The following DPP9 variants were observed in gnomAD, a reference collection of about 807,000 sequenced individuals.
DPP9 encodes dipeptidyl peptidase IV-related protein-2.
In DPP9, 50 loss-of-function variants were observed where a neutral mutation model predicts 110.7. That is an observed-to-expected ratio of 0.45 (90% CI 0.36 to 0.57). DPP9 has a LOEUF of 0.57. Ranked by LOEUF, DPP9 falls within the 20% of genes least tolerant of loss-of-function variation. The pLI, the probability that DPP9 is intolerant of heterozygous loss-of-function variation, is 0.00. For synonymous variants in DPP9, 561 were observed against 514.4 expected, an observed-to-expected ratio of 1.09 and a Z score of -1.23; for missense variants, 1,022 against 1,217.9, an observed-to-expected ratio of 0.84 and a Z score of 2.39.
Position 4,682,651 on chromosome 19 carries a change from A to G in DPP9, c.2474+45T>C. On this transcript the variant is annotated intron_variant, in intron 20 of 21. Coordinates refer to ENST00000262960, the MANE Select transcript of DPP9 (RefSeq NM_139159.5). This position sits in a 1 kb window ranked among gnomAD's most constrained non-coding sequence, Gnocchi z 7.1. ...ATAGAGACAGCTGGTGCCGGGGTGC[A>G]GGAGAAGCCCCGGGGAGGAGCGCAG... 5.6e-6 allele frequency: 9 copies of G among 1,596,802 alleles called. No homozygotes were observed. Among genetic ancestry groups the G allele is most frequent in the Non-Finnish European group, 7.7e-6 (9 of 1,172,536 alleles).
chr19:4,686,622 C>T (rs754375799), intron 16 of DPP9, among the ~76,000 whole-genome samples: 2 of 152,112 alleles, frequency 1.3e-5, no homozygotes, highest in Non-Finnish European at 2.9e-5. Context: ...ACCCAGCCAT[C>T]GAACTCCTGA....
At position 4,683,510 on chromosome 19, in the gene DPP9, G is replaced by A. The variant is rs751421244; in HGVS notation, c.2298C>T (p.Leu766=). Residue 766 remains leucine (L), a synonymous_variant, in exon 19 of 22, where the codon CTC becomes CTT. Transcript: ENST00000262960. ...CCTGGGGCTTGTGGATTAGCCCCAT[G>A]AGCGAGAGGAAGCCCCCGTAGGACC... ...HGWSYGGFLS[L]MGLIHKPQVF... is the part of the protein sequence containing the mutation. 1.2e-6 allele frequency: 2 copies of A among 1,613,142 alleles called. No homozygotes were observed. The highest frequency in any genetic ancestry group is 2.7e-5 in the African/African-American group (2 of 74,942).
At chr19:4,713,360 C>T (rs1309426742) in intron 4 of DPP9, among the ~76,000 whole-genome samples, 1 of 152,214 alleles carries the variant, frequency 6.6e-6, no homozygotes, top group Non-Finnish European at 1.5e-5. Context: ...GCCAGGCCCA[C>T]AGTGGCTGCA....
intron 4 of DPP9, among the ~76,000 whole-genome samples, chr19:4,711,717 G>A (rs1235129779): frequency 1.4e-5 from 2 of 139,568 alleles, no homozygotes; most frequent in Non-Finnish European, 3.0e-5. Flanking sequence ...AAGTTGCAGT[G>A]AGCCAAGATT....
At chr19:4,696,826 C>T (rs367661645) in intron 11 of DPP9, among the ~76,000 whole-genome samples, 1 of 152,080 alleles carries the variant, frequency 6.6e-6, no homozygotes, top group East Asian at 1.9e-4. Flanking sequence ...GGCAGCAGCA[C>T]ATAATAGAAT....
rs1462319332 is a variant in DPP9, at chr19:4,687,941, C to T, written c.1885+816G>A. ...GCCTCCCGAGTAGTGGGACTACAGG[C>T]GCCCGCCACCATGCTCGGCTAATTT... On this transcript the variant is annotated intron_variant, in intron 16 of 21. Coordinates refer to ENST00000262960, the MANE Select transcript of DPP9 (RefSeq NM_139159.5). This position sits in a 1 kb window ranked among gnomAD's most constrained non-coding sequence, Gnocchi z 4.7. Among the ~76,000 whole-genome samples, 2 of 151,986 alleles carry T rather than the reference C, an allele frequency of 1.3e-5. No individual in the cohort carries two copies. The highest frequency in any genetic ancestry group is 6.6e-5 in the Admixed American group (1 of 15,264).
At chr19:4,699,470 A>G (rs2092076510) in intron 10 of DPP9, among the ~76,000 whole-genome samples, 1 of 151,878 alleles carries the variant, frequency 6.6e-6, no homozygotes, top group South Asian at 2.1e-4. Flanking sequence ...ATGTGGGGCT[A>G]TTGGGGGTCC....
intron 19 of DPP9, chr19:4,683,159 C>A (rs1468403274): frequency 7.0e-7 from 1 of 1,427,584 alleles, no homozygotes; most frequent in Non-Finnish European, 9.2e-7. Flanking sequence ...CGGCCTGGGG[C>A]CCCCCCGCCG....
Position 4,685,867 on chromosome 19 carries a change from C to A in DPP9, c.1886-96G>T. On this transcript the variant is annotated intron_variant, in intron 16 of 21. Coordinates refer to ENST00000262960, the MANE Select transcript of DPP9 (RefSeq NM_139159.5). The surrounding 1 kb of genome is among the most constrained non-coding windows in gnomAD (Gnocchi z 5.8). ...CCACCCCAAGCCTTGGAGGGTGGAC[C>A]AAAGCACCCCCTCTTTTCCTGGGCT... 7.2e-7 allele frequency: 1 copy of A among 1,389,102 alleles called. No homozygotes were observed. The highest frequency in any genetic ancestry group is 9.7e-7 in the Non-Finnish European group (1 of 1,026,592). The allele number at this position is 1,389,102 out of a possible 1,614,324, so 86.0% of individuals were successfully genotyped here.
At chr19:4,716,714 G>A (rs1399815421) in intron 3 of DPP9, among the ~76,000 whole-genome samples, 1 of 152,094 alleles carries the variant, frequency 6.6e-6, no homozygotes, top group Admixed American at 6.5e-5. Flanking sequence ...TTGGGCTTGT[G>A]ACAGCCCATT....
chr19:4,677,933 G>A (rs1349884867), intron 21 of DPP9, among the ~76,000 whole-genome samples: 1 of 152,168 alleles, frequency 6.6e-6, no homozygotes, highest in Non-Finnish European at 1.5e-5. Context: ...CCAGCTGCCT[G>A]GCCCAGATGT....
intron 5 of DPP9, among the ~76,000 whole-genome samples, 160 bp downstream of exon 5, chr19:4,705,698 A>C (rs988885751): frequency 6.6e-6 from 1 of 152,082 alleles, no homozygotes; most frequent in Non-Finnish European, 1.5e-5. Context: ...GGTCAGGGGG[A>C]GGAGGGAAGG....
Position 4,714,286 on chromosome 19 carries a change from T to G in DPP9, c.108A>C (p.Pro36=). 1 of 1,549,532 alleles carries G rather than the reference T, an allele frequency of 6.5e-7. No homozygotes were observed. Among genetic ancestry groups the G allele is most frequent in the Admixed American group, 1.9e-5 (1 of 52,706 alleles). Residue 36 remains proline (P), a synonymous_variant, in exon 4 of 22, where the codon CCA becomes CCC. Coordinates refer to ENST00000262960, the MANE Select transcript of DPP9 (RefSeq NM_139159.5). The stretch of plus-strand genomic sequence containing the variant: ...CGGCTGCGTCGCCTCGGTCGGCCGT[T>G]GGGGTCCCGGTGGTGGCCATCCTCT... ...GAERMATTGT[P]TADRGDAAAT...
At chr19:4,691,140 CGG>C (rs1403444869) in intron 13 of DPP9, among the ~76,000 whole-genome samples, 183 bp from the exon 14 acceptor site, 2 of 152,168 alleles carry the variant, frequency 1.3e-5, no homozygotes, top group African/African-American at 4.8e-5. Context: ...AGGAAGCCTG[CGG>C]GGCCTGTTCC....
chr19:4,683,922 C>A (rs1369987483), intron 18 of DPP9: 17 of 1,076,680 alleles, frequency 1.6e-5, no homozygotes, highest in Non-Finnish European at 2.0e-5. Context: ...AGGAAGAGGA[C>A]CCATTTTCTA....
In DPP9 at chr19:4,684,346, T is replaced by G; in HGVS notation, c.2178+317A>C. 1 of 355,158 alleles carries G rather than the reference T, an allele frequency of 2.8e-6. No individual in the cohort carries two copies. Among genetic ancestry groups the G allele is most frequent in the Non-Finnish European group, 5.3e-6 (1 of 189,804 alleles). 22.0% of individuals were successfully genotyped at this position (355,158 alleles called of 1,614,324 possible). ...CCTCCAGAACTGTGAGAGATTTTCG[T>G]TCTTTATAAATCCCCAGGCTGTGGG... On this transcript the variant is annotated intron_variant, in intron 18 of 21. Coordinates refer to ENST00000262960, the MANE Select transcript of DPP9 (RefSeq NM_139159.5). The surrounding 1 kb of genome is among the most constrained non-coding windows in gnomAD (Gnocchi z 4.8).
At position 4,719,898 on chromosome 19, in the gene DPP9, C is replaced by T; in HGVS notation, c.9G>A (p.Lys3=). MR[K]VKKLRLDKEN... ...CCTTGTCCAGGCGCAGTTTCTTAAC[C>T]TTCCGCATTAACCGCTCAGCTGACC... Residue 3 remains lysine (K), a synonymous_variant, in exon 3 of 22, where the codon AAG becomes AAA. Coordinates refer to ENST00000262960, the MANE Select transcript of DPP9 (RefSeq NM_139159.5). The T allele has an allele frequency of 6.4e-7, 1 of 1,551,762 alleles. No individual in the cohort carries two copies. Among genetic ancestry groups the T allele is most frequent in the Non-Finnish European group, 8.7e-7 (1 of 1,147,004 alleles).
chr19:4,714,060 A>G lies in DPP9; in HGVS notation c.313+21T>C, dbSNP rs1291404995. The G allele has an allele frequency of 3.8e-6, 6 of 1,596,806 alleles. No homozygotes were observed. The East Asian group carries it at 6.7e-5, about 18-fold the overall frequency. ...TCCCAGATGCTGTCCCCGCCCAAGC[A>G]GCCTGCAGGGCCCGGCTTACCCAGG... On this transcript the variant is annotated intron_variant, in intron 4 of 21. Transcript: ENST00000262960.
In DPP9 at chr19:4,694,615, C is replaced by G; in HGVS notation, c.1516+46G>C. The stretch of plus-strand genomic sequence containing the variant: ...TGAACAAACAGCATATTGAACCACA[C>G]GTGACTAACGCGATGAGTCGACAGC... On this transcript the variant is annotated intron_variant, in intron 13 of 21. Transcript: ENST00000262960. This position sits in a 1 kb window ranked among gnomAD's most constrained non-coding sequence, Gnocchi z 4.0. The G allele has an allele frequency of 6.3e-7, 1 of 1,581,744 alleles. No individual in the cohort carries two copies. The highest frequency in any genetic ancestry group is 8.6e-7 in the Non-Finnish European group (1 of 1,162,654).
Sources: gnomAD v4.1 joint callset for allele counts (sites outside exome capture counted in the v4.1 genomes callset) on GRCh38, gnomAD v4.1.1 for gene constraint, Gnocchi (gnomAD v3.1) non-coding constraint, MANE v1.5 for transcripts, NCBI Gene and HGNC (gene_info 2026-07-23, HGNC 2026-07-21) for gene names.